Variants in CADM2 observed in about 807,000 individuals in gnomAD.
CADM2 encodes the protein cell adhesion molecule 2, also known as immunoglobulin superfamily member 4D.
A neutral mutation model predicts 49.8 loss-of-function variants in CADM2; 12 were observed. That is an observed-to-expected ratio of 0.24 (90% CI 0.15 to 0.39). The LOEUF (loss-of-function observed/expected upper bound fraction) is 0.39. Ranked by LOEUF, CADM2 falls within the 10% of genes least tolerant of loss-of-function variation. CADM2 has a pLI of 1.00. For synonymous variants in CADM2, 214 were observed against 175.4 expected, an observed-to-expected ratio of 1.22 and a Z score of -1.74; for missense variants, 378 against 492.3, an observed-to-expected ratio of 0.77 and a Z score of 2.20.
Position 86,068,384 on chromosome 3 carries a change from T to C in CADM2, c.*1601T>C, listed in dbSNP as rs77230884. On this transcript the variant is annotated 3_prime_UTR_variant, in exon 10 of 10. Transcript: ENST00000383699. The stretch of plus-strand genomic sequence containing the variant: ...GCTAAAGAATAAAACTCCAGTTAGA[T>C]TTAAAAAAATCCCATTTACAAGCAT... The C allele has an allele frequency of 1.3e-5, 2 of 152,030 alleles. No individual in the cohort carries two copies. Among genetic ancestry groups the C allele is most frequent in the African/African-American group, 2.4e-5 (1 of 41,560 alleles). The allele number at this position is 152,030 out of a possible 1,614,324, so 9.4% of individuals were successfully genotyped here. A position where few individuals can be genotyped will look rare whatever the true frequency, so the allele number is the denominator to read the frequency against.
chr3:85,014,241 A>G (rs1195629154), intron 1 of CADM2, among the ~76,000 whole-genome samples: 3 of 149,048 alleles, frequency 2.0e-5, no homozygotes, highest in Non-Finnish European at 4.4e-5. Context: ...GTGTAATAAT[A>G]TTGTATATTA....
intron 1 of CADM2, among the ~76,000 whole-genome samples, chr3:85,114,834 T>G (rs1037676909): frequency 6.6e-6 from 1 of 152,140 alleles, no homozygotes; most frequent in African/African-American, 2.4e-5. Flanking sequence ...GCACTTTTTA[T>G]ATGACCTTTT....
At chr3:85,261,631 G>A (rs994594529) in intron 1 of CADM2, among the ~76,000 whole-genome samples, 2 of 151,828 alleles carry the variant, frequency 1.3e-5, no homozygotes, top group African/African-American at 2.4e-5. Flanking sequence ...AATGTTAATC[G>A]AATGTTCATA....
At chr3:85,413,161 A>AAAAAAAATAATAAT (rs1553720239) in intron 1 of CADM2, among the ~76,000 whole-genome samples, 4 of 108,512 alleles carry the variant, frequency 3.7e-5, no homozygotes, top group African/African-American at 1.6e-4. Flanking sequence ...AAAAAAAAAA[A>AAAAAAAATAATAAT]AATAATAATA....
At chr3:85,084,156 T>C (rs558005841) in intron 1 of CADM2, among the ~76,000 whole-genome samples, 1 of 152,298 alleles carries the variant, frequency 6.6e-6, no homozygotes, top group South Asian at 2.1e-4. Context: ...TTTTCTGTAG[T>C]TGTAAGTCAA....
intron 1 of CADM2, among the ~76,000 whole-genome samples, chr3:85,107,584 CTTTTCTTTCT>C (rs1559665953): frequency 1.5e-5 from 1 of 66,114 alleles, no homozygotes; most frequent in African/African-American, 3.0e-5. Context: ...CTCTTTCTTT[CTTTTCTTTCT>C]TTCTTTCTCT....
intron 8 of CADM2, among the ~76,000 whole-genome samples, chr3:86,041,762 A>G (rs1268010671): frequency 3.3e-5 from 5 of 152,166 alleles, no homozygotes; most frequent in African/African-American, 1.2e-4. Flanking sequence ...TTCCCCCCAA[A>G]TCAACAAAAT....
chr3:85,219,882 T>G (rs1466725650), intron 1 of CADM2, among the ~76,000 whole-genome samples: 1 of 152,148 alleles, frequency 6.6e-6, no homozygotes, highest in Non-Finnish European at 1.5e-5. Flanking sequence ...ATAATACAAC[T>G]GCATACAATT....
chr3:86,065,889 CTTAAAT>C lies in CADM2; in HGVS notation c.1096+165_1096+170del, dbSNP rs899473623. 2.6e-5 allele frequency among the ~76,000 whole-genome samples: 4 copies of C among 152,104 alleles called. 1 individual carries two copies. The highest frequency in any genetic ancestry group is 9.7e-5 in the African/African-American group (4 of 41,400). ...TTTCAGCGAATTCTTAATTATTTTA[CTTAAAT>C]TTAAAGTTGGATTGGCTTAGCAAAA... On this transcript the variant is annotated intron_variant, in intron 9 of 9. Coordinates refer to ENST00000383699, the MANE Select transcript of CADM2 (RefSeq NM_001167675.2).
chr3:85,179,975 C>T (rs2040884424), intron 1 of CADM2, among the ~76,000 whole-genome samples: 1 of 151,934 alleles, frequency 6.6e-6, no homozygotes, highest in Non-Finnish European at 1.5e-5. Context: ...AAAAATGCTA[C>T]AGGCACTGGG....
intron 1 of CADM2, among the ~76,000 whole-genome samples, chr3:84,980,251 G>T (rs2032089287): frequency 6.6e-6 from 1 of 152,120 alleles, no homozygotes; most frequent in African/African-American, 2.4e-5. Flanking sequence ...AGCTGCAGCT[G>T]CAGAGAACAT....
chr3:85,807,073 T>C (rs2072478995), intron 3 of CADM2, among the ~76,000 whole-genome samples: 2 of 152,158 alleles, frequency 1.3e-5, no homozygotes, highest in Admixed American at 1.3e-4. Flanking sequence ...AACTGAAATA[T>C]TCCTGAAAGC....
intron 1 of CADM2, among the ~76,000 whole-genome samples, chr3:85,678,204 A>G (rs952015612): frequency 6.6e-6 from 1 of 152,178 alleles, no homozygotes; most frequent in Non-Finnish European, 1.5e-5. Flanking sequence ...ATTTGAAGGC[A>G]AAGAGTAGGA....
intron 8 of CADM2, among the ~76,000 whole-genome samples, chr3:86,009,478 A>C (rs1415661699): frequency 6.6e-6 from 1 of 151,536 alleles, no homozygotes; most frequent in Non-Finnish European, 1.5e-5. Context: ...AGCACCCTCT[A>C]CTTCAGATAG....
At chr3:85,969,912 T>G (rs1274735626) in intron 8 of CADM2, among the ~76,000 whole-genome samples, 1 of 150,572 alleles carries the variant, frequency 6.6e-6, no homozygotes, top group Admixed American at 6.7e-5. Flanking sequence ...CATACCCATA[T>G]CTACATATAT....
intron 1 of CADM2, among the ~76,000 whole-genome samples, chr3:85,671,563 A>G (rs959512989): frequency 6.6e-6 from 1 of 152,098 alleles, no homozygotes; most frequent in East Asian, 1.9e-4. Flanking sequence ...CCTCTTTCCA[A>G]TTCATCGCAG....
intron 1 of CADM2, among the ~76,000 whole-genome samples, chr3:85,355,256 T>A (rs1473211325): frequency 6.6e-6 from 1 of 152,036 alleles, no homozygotes; most frequent in Non-Finnish European, 1.5e-5. Flanking sequence ...AAGGAATGCA[T>A]CATCCGTCTC....
chr3:85,037,527 G>T (rs1464494589), intron 1 of CADM2, among the ~76,000 whole-genome samples: 1 of 152,132 alleles, frequency 6.6e-6, no homozygotes, highest in Non-Finnish European at 1.5e-5. Context: ...ATGATCTTTT[G>T]TTACCATTTT....
At chr3:85,860,919 C>A (rs969246224) in intron 3 of CADM2, among the ~76,000 whole-genome samples, 1 of 152,146 alleles carries the variant, frequency 6.6e-6, no homozygotes, top group Non-Finnish European at 1.5e-5. Flanking sequence ...GCGAATATAG[C>A]TTCTGTCATC....
Sources: gnomAD v4.1 joint callset for allele counts (sites outside exome capture counted in the v4.1 genomes callset) on GRCh38, gnomAD v4.1.1 for gene constraint, MANE v1.5 for transcripts, NCBI Gene and HGNC (gene_info 2026-07-23, HGNC 2026-07-21) for gene names.